Variants in ARHGAP24 observed in about 807,000 individuals in gnomAD.
The protein encoded by ARHGAP24 is Rho GTPase activating protein 24.
In ARHGAP24, 50 loss-of-function variants were observed where a neutral mutation model predicts 76.4. The observed-to-expected ratio is 0.65, with a 90% CI of 0.52 to 0.83. The LOEUF is 0.83. ARHGAP24 is among the 40% of genes least tolerant of loss of function. The pLI is 0.00. For synonymous variants in ARHGAP24, 345 were observed against 323.3 expected (o/e 1.07, Z -0.72); for missense variants, 930 against 914.2 (o/e 1.02, Z -0.22).
intron 3 of ARHGAP24, among the ~76,000 whole-genome samples, chr4:85,861,838 T>C (rs563642688): frequency 6.6e-5 from 10 of 152,070 alleles, no homozygotes; most frequent in Non-Finnish European, 1.2e-4. Context: ...ACACTATACA[T>C]GTGCAGTCAC....
At chr4:85,848,069 A>G (rs1463170220) in intron 3 of ARHGAP24, among the ~76,000 whole-genome samples, 1 of 152,184 alleles carries the variant, frequency 6.6e-6, no homozygotes, top group Non-Finnish European at 1.5e-5. Flanking sequence ...CACAATCTAT[A>G]CAGTGAGGCA....
chr4:85,606,614 A>G (rs1398122693), intron 2 of ARHGAP24, among the ~76,000 whole-genome samples: 1 of 152,178 alleles, frequency 6.6e-6, no homozygotes, highest in South Asian at 2.1e-4. Flanking sequence ...TACTTGAACA[A>G]GTTACACTCT....
At chr4:85,939,704 GA>G (rs537909264) in intron 4 of ARHGAP24, among the ~76,000 whole-genome samples, 42 of 150,954 alleles carry the variant, frequency 2.8e-4, no homozygotes, top group Non-Finnish European at 3.8e-4. Context: ...GGTTGTTGGG[GA>G]AAAAAAAATC....
intron 2 of ARHGAP24, among the ~76,000 whole-genome samples, chr4:85,684,380 T>G (rs1224417967): frequency 6.6e-6 from 1 of 152,146 alleles, no homozygotes; most frequent in Non-Finnish European, 1.5e-5. Flanking sequence ...ATATATTACA[T>G]TTTAATTTTT....
chr4:85,752,587 G>C (rs1726305803), intron 3 of ARHGAP24, among the ~76,000 whole-genome samples: 1 of 152,142 alleles, frequency 6.6e-6, no homozygotes, highest in African/African-American at 2.4e-5. Context: ...GTGACAATGT[G>C]CTTACATGTT....
intron 3 of ARHGAP24, among the ~76,000 whole-genome samples, chr4:85,890,898 C>T (rs1002322647): frequency 1.3e-5 from 2 of 152,068 alleles, no homozygotes; most frequent in African/African-American, 4.8e-5. Flanking sequence ...ACTTCTAAAG[C>T]CCTAAAACAG....
intron 1 of ARHGAP24, among the ~76,000 whole-genome samples, chr4:85,537,819 T>G (rs1342605139): frequency 6.6e-6 from 1 of 152,162 alleles, no homozygotes; most frequent in African/African-American, 2.4e-5. Context: ...AAGCAGTCAT[T>G]CAAATGTATT....
chr4:85,751,917 A>G (rs557470004), intron 3 of ARHGAP24, among the ~76,000 whole-genome samples: 59 of 152,330 alleles, frequency 3.9e-4, no homozygotes, highest in African/African-American at 1.3e-3. Context: ...TACATGAGAC[A>G]ATGCCTATGG....
chr4:85,714,859 C>T (rs970594735), intron 2 of ARHGAP24, among the ~76,000 whole-genome samples: 6 of 152,058 alleles, frequency 3.9e-5, no homozygotes, highest in African/African-American at 1.4e-4. Flanking sequence ...TAAAACTTCC[C>T]CAAACTGCTT....
At chr4:85,838,733 C>T (rs75518049) in intron 3 of ARHGAP24, among the ~76,000 whole-genome samples, 1,679 of 152,264 alleles carry the variant, frequency 0.011, 31 homozygotes, top group African/African-American at 0.038. Context: ...ATTTTAGGGA[C>T]GTTTTCTTTA....
intron 1 of ARHGAP24, among the ~76,000 whole-genome samples, chr4:85,560,607 C>T (rs542840960): frequency 6.6e-6 from 1 of 152,252 alleles, no homozygotes; most frequent in Non-Finnish European, 1.5e-5. Flanking sequence ...GTAAGTTCCC[C>T]CAGGTATGCC....
chr4:85,831,406 A>G (rs1729986485), intron 3 of ARHGAP24, among the ~76,000 whole-genome samples: 2 of 152,212 alleles, frequency 1.3e-5, no homozygotes, highest in Non-Finnish European at 2.9e-5. Flanking sequence ...CTACTCCAAT[A>G]TATTAAAATC....
At chr4:85,879,742 A>G (rs916898696) in intron 3 of ARHGAP24, among the ~76,000 whole-genome samples, 3 of 152,086 alleles carry the variant, frequency 2.0e-5, no homozygotes, top group Non-Finnish European at 4.4e-5. Context: ...AATTAAATGT[A>G]TTTAATTAAC....
chr4:85,937,723 A>C (rs1736724327), intron 4 of ARHGAP24, among the ~76,000 whole-genome samples: 1 of 152,152 alleles, frequency 6.6e-6, no homozygotes, highest in South Asian at 2.1e-4. Context: ...AGTAATACAA[A>C]GAACAAATTT....
chr4:85,488,257 T>C (rs1723222501), intron 1 of ARHGAP24, among the ~76,000 whole-genome samples: 2 of 152,034 alleles, frequency 1.3e-5, no homozygotes, highest in Middle Eastern at 3.2e-3. Flanking sequence ...TAACACCTCC[T>C]GTGGAGAGGG....
intron 4 of ARHGAP24, chr4:85,930,224 A>G (rs1736250201): frequency 1.0e-6 from 1 of 984,504 alleles, no homozygotes; most frequent in South Asian, 4.7e-5. Context: ...ACAGATCCAA[A>G]GAGCCTCTTG....
chr4:85,477,360 C>A (rs2110085304), intron 1 of ARHGAP24, among the ~76,000 whole-genome samples: 1 of 152,160 alleles, frequency 6.6e-6, no homozygotes, highest in Non-Finnish European at 1.5e-5. Context: ...TGAATCTGAA[C>A]TATTTTGAAA....
At chr4:85,732,222 C>T (rs1017210501) in intron 3 of ARHGAP24, among the ~76,000 whole-genome samples, 1 of 152,054 alleles carries the variant, frequency 6.6e-6, no homozygotes, top group African/African-American at 2.4e-5. Context: ...CTTTGAGCCA[C>T]AGAAAGAGTG....
chr4:85,925,227 T>C (rs1578394779), intron 4 of ARHGAP24, among the ~76,000 whole-genome samples: 4 of 152,334 alleles, frequency 2.6e-5, no homozygotes, highest in Admixed American at 2.6e-4. Context: ...TTTTGTAGCA[T>C]AATGAAATCT....
Sources: gnomAD v4.1 joint callset for allele counts (sites outside exome capture counted in the v4.1 genomes callset) on GRCh38, gnomAD v4.1.1 for gene constraint, MANE v1.5 for transcripts, NCBI Gene and HGNC (gene_info 2026-07-23, HGNC 2026-07-21) for gene names.